LY6G6F: variants seen among roughly 807,000 people sequenced by gnomAD.
LY6G6F encodes the protein lymphocyte antigen 6 family member G6F.
Under a neutral mutation model 33.0 loss-of-function variants are expected in LY6G6F, and 26 were observed. The ratio of observed to expected loss-of-function variants is 0.79; its 90% confidence interval spans 0.58 to 1.09. The LOEUF is 1.09. LY6G6F is among the 50% of genes least tolerant of loss of function. LY6G6F has a pLI of 0.00. For synonymous variants in LY6G6F, 132 were observed against 148.1 expected (o/e 0.89, Z 0.79); for missense variants, 317 against 372.0 (o/e 0.85, Z 1.22).
chr6:31,707,388 G>C lies in LY6G6F; in HGVS notation c.53-70G>C. ...GGACCCCAGAAGGGAAGGAAGCCAGGGTTGAAGATCAAATGGGGGGTTATT... is the reference window on the plus strand; with the variant it reads ...GGACCCCAGAAGGGAAGGAAGCCAGCGTTGAAGATCAAATGGGGGGTTATT... On this transcript the variant is annotated intron_variant, in intron 1 of 5. Coordinates refer to ENST00000375832, the MANE Select transcript of LY6G6F (RefSeq NM_001003693.3). This position sits in a 1 kb window ranked among gnomAD's most constrained non-coding sequence, Gnocchi z 4.1. 7.0e-7 allele frequency: 1 copy of C among 1,431,936 alleles called. No individual in the cohort carries two copies. Among genetic ancestry groups the C allele is most frequent in the Non-Finnish European group, 9.7e-7 (1 of 1,036,266 alleles). 88.7% of individuals were successfully genotyped at this position (1,431,936 alleles called of 1,614,324 possible).
Position 31,707,742 on chromosome 6 carries a change from C to A in LY6G6F, c.337C>A (p.His113Asn). 6.2e-7 allele frequency: 1 copy of A among 1,614,116 alleles called. No individual in the cohort carries two copies. The highest frequency in any genetic ancestry group is 8.5e-7 in the Non-Finnish European group (1 of 1,179,994). The change falls in exon 2 of 6, where the codon CAC (histidine) becomes AAC (asparagine). Residue 113 changes from histidine (H) to asparagine (N), a missense_variant. By Grantham distance (68) the His-to-Asn change is moderately conservative. Coordinates refer to ENST00000375832, the MANE Select transcript of LY6G6F (RefSeq NM_001003693.3). This position sits in a 1 kb window ranked among gnomAD's most constrained non-coding sequence, Gnocchi z 4.1. Reference sequence around the variant, plus strand: ...CTGGTGCGCTGTGCTAGGTCAGCACCACAACTACCAGAACTGGAGGGTGTA... The same window carrying A: ...CTGGTGCGCTGTGCTAGGTCAGCACAACAACTACCAGAACTGGAGGGTGTA... ...RYWCAVLGQH[H>N]NYQNWRVYDV...
In LY6G6F at chr6:31,710,490, G is replaced by T. The variant is rs1314358591; in HGVS notation, c.869+72G>T. On this transcript the variant is annotated intron_variant, in intron 5 of 5. Transcript: ENST00000375832. The surrounding 1 kb of genome is among the most constrained non-coding windows in gnomAD (Gnocchi z 4.7). ...GGGATGGAGAGGAAACACGGGTTGG[G>T]TTGGGGATGGGCCCTCGTTCCTGAG... 1 of 1,613,608 alleles carries T rather than the reference G, an allele frequency of 6.2e-7. No individual in the cohort carries two copies. Among genetic ancestry groups the T allele is most frequent in the Non-Finnish European group, 8.5e-7 (1 of 1,179,638 alleles).
At chr6:31,709,920 G>A in intron 3 of LY6G6F, 106 bp from the exon 4 acceptor site, 6 of 1,201,734 alleles carry the variant, frequency 5.0e-6, no homozygotes, top group Non-Finnish European at 7.0e-6. Flanking sequence ...AAAGTCTTCT[G>A]TTGGAAGAGC....
At position 31,707,902 on chromosome 6, in the gene LY6G6F, A is replaced by T; in HGVS notation, c.414A>T (p.Gly138=). The T allele has an allele frequency of 5.0e-6, 8 of 1,613,526 alleles. No individual in the cohort carries two copies. Among genetic ancestry groups the T allele is most frequent in the South Asian group, 1.1e-5 (1 of 91,068 alleles). ...GSQLSARAAD[G]SPCNVLLCSV... Reference sequence around the variant, plus strand: ...AGTTATCTGCAAGGGCTGCAGATGGATCCCCCTGCAATGTCCTCCTGTGCT... The same window carrying T: ...AGTTATCTGCAAGGGCTGCAGATGGTTCCCCCTGCAATGTCCTCCTGTGCT... Residue 138 remains glycine (G), a synonymous_variant, in exon 3 of 6, where the codon GGA becomes GGT. Coordinates refer to ENST00000375832, the MANE Select transcript of LY6G6F (RefSeq NM_001003693.3). This position sits in a 1 kb window ranked among gnomAD's most constrained non-coding sequence, Gnocchi z 4.1.
In LY6G6F at chr6:31,707,507, A is replaced by G. The variant is rs1237411949; in HGVS notation, c.102A>G (p.Pro34=). Residue 34 remains proline (P), a synonymous_variant, in exon 2 of 6, where the codon CCA becomes CCG. Coordinates refer to ENST00000375832, the MANE Select transcript of LY6G6F (RefSeq NM_001003693.3). This position sits in a 1 kb window ranked among gnomAD's most constrained non-coding sequence, Gnocchi z 4.1. ...CCTTGGGGGAGGCAGTAGAGCTGCCATGTCCCTCACCACCTACTCTACATG... is the reference window on the plus strand; with the variant it reads ...CCTTGGGGGAGGCAGTAGAGCTGCCGTGTCCCTCACCACCTACTCTACATG... ...YVALGEAVEL[P]CPSPPTLHGD... 1 of 1,614,166 alleles carries G rather than the reference A, an allele frequency of 6.2e-7. No homozygotes were observed. Among genetic ancestry groups the G allele is most frequent in the Non-Finnish European group, 8.5e-7 (1 of 1,180,006 alleles).
Position 31,710,302 on chromosome 6 carries a change from A to C in LY6G6F, c.803-50A>C. On this transcript the variant is annotated intron_variant, in intron 4 of 5. Coordinates refer to ENST00000375832, the MANE Select transcript of LY6G6F (RefSeq NM_001003693.3). This position sits in a 1 kb window ranked among gnomAD's most constrained non-coding sequence, Gnocchi z 4.7. Reference sequence around the variant, plus strand: ...GGAGGGGGCGAGGAACACGGCTCTAAGTTGTCTGCTGACTTCTCTTCTGTA... The same window carrying C: ...GGAGGGGGCGAGGAACACGGCTCTACGTTGTCTGCTGACTTCTCTTCTGTA... 1 of 1,613,114 alleles carries C rather than the reference A, an allele frequency of 6.2e-7. No individual in the cohort carries two copies. The highest frequency in any genetic ancestry group is 8.5e-7 in the Non-Finnish European group (1 of 1,179,988).
chr6:31,707,645 A>G lies in LY6G6F; in HGVS notation c.240A>G (p.Glu80=), dbSNP rs746788357. 6 of 1,613,876 alleles carry G rather than the reference A, an allele frequency of 3.7e-6. No individual in the cohort carries two copies. In the Admixed American group the frequency reaches 1.0e-4, roughly 27 times the overall value. ...PAPDPGKPGR[E]SRLRLLGNYS... is the part of the protein sequence containing the mutation. Reference sequence around the variant, plus strand: ...CAGACCCTGGAAAACCAGGAAGGGAATCCAGGCTCAGACTGCTGGGGAACT... The same window carrying G: ...CAGACCCTGGAAAACCAGGAAGGGAGTCCAGGCTCAGACTGCTGGGGAACT... Residue 80 remains glutamate, a synonymous_variant, in exon 2 of 6, where the codon GAA becomes GAG. Coordinates refer to ENST00000375832, the MANE Select transcript of LY6G6F (RefSeq NM_001003693.3). This position sits in a 1 kb window ranked among gnomAD's most constrained non-coding sequence, Gnocchi z 4.1.
Position 31,707,047 on chromosome 6 carries a change from T to C in LY6G6F, c.52+89T>C. 1 of 1,420,082 alleles carries C rather than the reference T, an allele frequency of 7.0e-7. No homozygotes were observed. 88.0% of individuals were successfully genotyped at this position (1,420,082 alleles called of 1,614,324 possible). Reference sequence around the variant, plus strand: ...TTCTCCTAGGAGCCTGGCGAAGGCATCTGACTCAAGAAGATAGAATTACCC... The same window carrying C: ...TTCTCCTAGGAGCCTGGCGAAGGCACCTGACTCAAGAAGATAGAATTACCC... On this transcript the variant is annotated intron_variant, in intron 1 of 5. Transcript: ENST00000375832. This position sits in a 1 kb window ranked among gnomAD's most constrained non-coding sequence, Gnocchi z 4.1.
chr6:31,709,943 G>C, intron 3 of LY6G6F, 83 bp from the exon 4 acceptor site: 4 of 1,405,232 alleles, frequency 2.8e-6, no homozygotes, highest in Non-Finnish European at 3.9e-6. Flanking sequence ...ACCAGACTGT[G>C]GAGGGGAAGC....
Position 31,707,374 on chromosome 6 carries a change from G to A in LY6G6F, c.53-84G>A, listed in dbSNP as rs1805686492. On this transcript the variant is annotated intron_variant, in intron 1 of 5. Transcript: ENST00000375832. This position sits in a 1 kb window ranked among gnomAD's most constrained non-coding sequence, Gnocchi z 4.1. ...AGGCCTGTGCTGGGGGACCCCAGAA[G>A]GGAAGGAAGCCAGGGTTGAAGATCA... 1 of 1,302,638 alleles carries A rather than the reference G, an allele frequency of 7.7e-7. No homozygotes were observed. The highest frequency in any genetic ancestry group is 1.1e-6 in the Non-Finnish European group (1 of 929,142). 80.7% of individuals were successfully genotyped at this position (1,302,638 alleles called of 1,614,324 possible). A position where few individuals can be genotyped will look rare whatever the true frequency, so the allele number is the denominator to read the frequency against.
chr6:31,710,065 C>G lies in LY6G6F; in HGVS notation c.686C>G (p.Thr229Arg). Residue 229 changes from threonine (T) to arginine (R), a missense_variant, in exon 4 of 6, where the codon ACG becomes AGG. Coordinates refer to ENST00000375832, the MANE Select transcript of LY6G6F (RefSeq NM_001003693.3). This position sits in a 1 kb window ranked among gnomAD's most constrained non-coding sequence, Gnocchi z 4.7. Reference protein sequence around the residue: ...DASPALCAPSTGWDMPWILML... With the variant: ...DASPALCAPSRGWDMPWILML... ...TCTCCTGCCCTCTGTGCCCCTTCCA[C>G]GGGCTGGGACATGCCTTGGATTCTG... 6.2e-7 allele frequency: 1 copy of G among 1,613,006 alleles called. No individual in the cohort carries two copies. The highest frequency in any genetic ancestry group is 8.5e-7 in the Non-Finnish European group (1 of 1,179,986).
chr6:31,707,006 G>A lies in LY6G6F; in HGVS notation c.52+48G>A. On this transcript the variant is annotated intron_variant, in intron 1 of 5. Coordinates refer to ENST00000375832, the MANE Select transcript of LY6G6F (RefSeq NM_001003693.3). This position sits in a 1 kb window ranked among gnomAD's most constrained non-coding sequence, Gnocchi z 4.1. ...TTCCTTAGCTATTTGCAAGGTTGGG[G>A]AGGGACTACTGCTCTTTCTCCTAGG... 1.9e-6 allele frequency: 3 copies of A among 1,586,782 alleles called. No homozygotes were observed. The highest frequency in any genetic ancestry group is 2.6e-6 in the Non-Finnish European group (3 of 1,155,164).
In LY6G6F at chr6:31,707,935, C is replaced by T; in HGVS notation, c.447C>T (p.Val149=). ...GCAATGTCCTCCTGTGCTCTGTGGTCCCCAGCAGACGCATGGACTCTGTGA... is the reference window on the plus strand; with the variant it reads ...GCAATGTCCTCCTGTGCTCTGTGGTTCCCAGCAGACGCATGGACTCTGTGA... ...SPCNVLLCSV[V]PSRRMDSVTW... Residue 149 remains valine, a synonymous_variant, in exon 3 of 6, where the codon GTC becomes GTT. Transcript: ENST00000375832. This position sits in a 1 kb window ranked among gnomAD's most constrained non-coding sequence, Gnocchi z 4.1. The T allele has an allele frequency of 6.2e-7, 1 of 1,613,244 alleles. No homozygotes were observed. The highest frequency in any genetic ancestry group is 2.2e-5 in the East Asian group (1 of 44,874).
Position 31,706,878 on chromosome 6 carries a change from G to A in LY6G6F, c.-29G>A. ...TTCCTCCCTGGGGACACCAGGTCTT[G>A]GAGCAAGAGAACTTGGCAGGCTCTC... On this transcript the variant is annotated 5_prime_UTR_variant, in exon 1 of 6. Coordinates refer to ENST00000375832, the MANE Select transcript of LY6G6F (RefSeq NM_001003693.3). The A allele has an allele frequency of 6.2e-7, 1 of 1,613,416 alleles. No individual in the cohort carries two copies. Among genetic ancestry groups the A allele is most frequent in the Non-Finnish European group, 8.5e-7 (1 of 1,179,396 alleles).
Position 31,710,236 on chromosome 6 carries a change from G to C in LY6G6F, c.802+55G>C. 16 of 1,609,672 alleles carry C rather than the reference G, an allele frequency of 9.9e-6. No homozygotes were observed. The South Asian group carries it at 1.5e-4, about 16-fold the overall frequency. On this transcript the variant is annotated intron_variant, in intron 4 of 5. Coordinates refer to ENST00000375832, the MANE Select transcript of LY6G6F (RefSeq NM_001003693.3). The surrounding 1 kb of genome is among the most constrained non-coding windows in gnomAD (Gnocchi z 4.7). ...AGGGCACATGGGTGGGAGGCAAAGG[G>C]CTAGGCTCACACCCCGCCTCTGTAC... is the stretch of plus-strand genomic sequence containing the variant.
chr6:31,707,603 A>C lies in LY6G6F; in HGVS notation c.198A>C (p.Gln66His). The C allele has an allele frequency of 6.2e-7, 1 of 1,613,918 alleles. No homozygotes were observed. The highest frequency in any genetic ancestry group is 8.5e-7 in the Non-Finnish European group (1 of 1,179,898). The change falls in exon 2 of 6, where the codon CAA becomes CAC. Residue 66 changes from glutamine to histidine, a missense_variant. Transcript: ENST00000375832. The surrounding 1 kb of genome is among the most constrained non-coding windows in gnomAD (Gnocchi z 4.1). ...GSFTTLVAQV[Q>H]VGRPAPDPGK... Reference sequence around the variant, plus strand: ...TCACCACCCTGGTAGCCCAAGTCCAAGTGGGCAGGCCAGCCCCAGACCCTG... The same window carrying C: ...TCACCACCCTGGTAGCCCAAGTCCACGTGGGCAGGCCAGCCCCAGACCCTG...
chr6:31,709,029 T>G (rs1805822395), intron 3 of LY6G6F, among the ~76,000 whole-genome samples: 1 of 150,692 alleles, frequency 6.6e-6, no homozygotes, highest in African/African-American at 2.4e-5. Context: ...TCTCCCAAAG[T>G]GTTAGGATTA....
chr6:31,707,856 C>G lies in LY6G6F; in HGVS notation c.383-15C>G, dbSNP rs1270780105. On this transcript the variant is annotated splice_polypyrimidine_tract_variant and intron_variant, in intron 2 of 5. Transcript: ENST00000375832. This position sits in a 1 kb window ranked among gnomAD's most constrained non-coding sequence, Gnocchi z 4.1. Reference sequence around the variant, plus strand: ...GTCCAGGTGAAGAACTGAGGAATCCCTCTCTCCCCTACAGGATCCCAGTTA... The same window carrying G: ...GTCCAGGTGAAGAACTGAGGAATCCGTCTCTCCCCTACAGGATCCCAGTTA... The G allele has an allele frequency of 4.3e-6, 7 of 1,610,342 alleles. No homozygotes were observed.
chr6:31,707,046 A>G lies in LY6G6F; in HGVS notation c.52+88A>G. 7.0e-7 allele frequency: 1 copy of G among 1,419,678 alleles called. No individual in the cohort carries two copies. Among genetic ancestry groups the G allele is most frequent in the Admixed American group, 1.7e-5 (1 of 59,222 alleles). 87.9% of individuals were successfully genotyped at this position (1,419,678 alleles called of 1,614,324 possible). A position where few individuals can be genotyped will look rare whatever the true frequency, so the allele number is the denominator to read the frequency against. ...TTTCTCCTAGGAGCCTGGCGAAGGC[A>G]TCTGACTCAAGAAGATAGAATTACC... On this transcript the variant is annotated intron_variant, in intron 1 of 5. Coordinates refer to ENST00000375832, the MANE Select transcript of LY6G6F (RefSeq NM_001003693.3). The surrounding 1 kb of genome is among the most constrained non-coding windows in gnomAD (Gnocchi z 4.1).
Sources: allele counts gnomAD v4.1 joint callset (sites outside exome capture counted in the v4.1 genomes callset), GRCh38; gene constraint gnomAD v4.1.1; non-coding constraint Gnocchi (gnomAD v3.1); transcripts MANE v1.5; gene names NCBI Gene and HGNC (gene_info 2026-07-23, HGNC 2026-07-21).